The following STX17 variants were observed in gnomAD, a reference collection of about 807,000 sequenced individuals.
STX17 encodes the protein syntaxin-17.
STX17 carries 29 observed loss-of-function variants against 35.9 expected under a neutral mutation model. The ratio of observed to expected loss-of-function variants is 0.81; its 90% CI spans 0.60 to 1.10. The LOEUF is 1.10. Ranked by LOEUF, STX17 falls within the 50% of genes least tolerant of loss-of-function variation. The probability of loss-of-function intolerance (pLI) is 0.00; values close to 1 mark genes in which losing one functional copy is unlikely to be tolerated. For synonymous variants in STX17, 92 were observed against 118.3 expected, an observed-to-expected ratio of 0.78 and a Z score of 1.44; for missense variants, 312 against 352.3, an observed-to-expected ratio of 0.89 and a Z score of 0.92.
At chr9:99,926,758 A>G (rs185607194) in intron 2 of STX17, among the ~76,000 whole-genome samples, 21 of 152,250 alleles carry the variant, frequency 1.4e-4, no homozygotes, top group Middle Eastern at 6.8e-3. Context: ...TCAGCCTCCC[A>G]AAGTGCTGGG....
intron 2 of STX17, among the ~76,000 whole-genome samples, chr9:99,924,372 A>C (rs1292744048): frequency 6.6e-6 from 1 of 152,086 alleles, no homozygotes; most frequent in Non-Finnish European, 1.5e-5. Flanking sequence ...TGATCAAGGA[A>C]CTGTGGACAA....
rs180874916 is a variant in STX17 at position 99,967,755 on chromosome 9, T to A, written c.669+16T>A. ...CTTAGGGAAGGTAAGATTCTGCTCC[T>A]GCTGACAAATCAATGGTACTCTGGC... On this transcript the variant is annotated intron_variant, in intron 7 of 7. Coordinates refer to ENST00000259400, the MANE Select transcript of STX17 (RefSeq NM_017919.3). 2.2e-5 allele frequency: 36 copies of A among 1,610,456 alleles called. No individual in the cohort carries two copies. The East Asian group carries it at 6.2e-4, about 28-fold the overall frequency.
At chr9:99,951,728 G>A (rs1297806646) in intron 4 of STX17, among the ~76,000 whole-genome samples, 1 of 151,770 alleles carries the variant, frequency 6.6e-6, no homozygotes, top group Non-Finnish European at 1.5e-5. Context: ...ATCTACAATG[G>A]GAGTTAAGCC....
intron 3 of STX17, among the ~76,000 whole-genome samples, chr9:99,931,691 G>T (rs1282803108): frequency 1.3e-5 from 2 of 152,008 alleles, no homozygotes; most frequent in East Asian, 1.9e-4. Context: ...AAAAAATTTG[G>T]CAGTCCCTGT....
rs565782306 is a variant in STX17, at chr9:99,951,582, A to G, written c.415+297A>G. On this transcript the variant is annotated intron_variant, in intron 4 of 7. Coordinates refer to ENST00000259400, the MANE Select transcript of STX17 (RefSeq NM_017919.3). ...AGGATAATGTCATTCTTGTCTGCAA[A>G]GTACTCTTTACTCCTTTCCAGGTGC... Among the ~76,000 whole-genome samples the G allele has an allele frequency of 3.9e-5, 6 of 152,164 alleles. No individual in the cohort carries two copies. In the East Asian group the frequency reaches 1.2e-3, roughly 29 times the overall value.
intron 3 of STX17, among the ~76,000 whole-genome samples, chr9:99,947,636 G>A (rs1269387704): frequency 6.6e-6 from 1 of 152,142 alleles, no homozygotes; most frequent in Non-Finnish European, 1.5e-5. Context: ...TAGAGCTTAA[G>A]GTTTTCTGTG....
chr9:99,959,301 G>T (rs1243910962), intron 4 of STX17, among the ~76,000 whole-genome samples: 1 of 151,920 alleles, frequency 6.6e-6, no homozygotes, highest in Non-Finnish European at 1.5e-5. Flanking sequence ...CTAGCATTTT[G>T]GGAAGCTGAG....
chr9:99,926,537 G>T (rs1828989554), intron 2 of STX17, among the ~76,000 whole-genome samples: 1 of 149,050 alleles, frequency 6.7e-6, no homozygotes, highest in East Asian at 2.0e-4. Context: ...TTGCTCTGTT[G>T]CCCAGGCTGG....
intron 2 of STX17, among the ~76,000 whole-genome samples, chr9:99,920,102 A>G (rs1188670642): frequency 6.6e-6 from 1 of 152,144 alleles, no homozygotes; most frequent in Non-Finnish European, 1.5e-5. Context: ...GTGTTTCAAG[A>G]TAGGCAAGCC....
At chr9:99,913,321 T>C (rs918060283) in intron 1 of STX17, among the ~76,000 whole-genome samples, 3 of 152,098 alleles carry the variant, frequency 2.0e-5, no homozygotes, top group African/African-American at 7.2e-5. Flanking sequence ...GTTATTAAGC[T>C]TCTGATTTTA....
chr9:99,920,548 C>A (rs1465540628), intron 2 of STX17, among the ~76,000 whole-genome samples: 1 of 152,124 alleles, frequency 6.6e-6, no homozygotes, highest in African/African-American at 2.4e-5. Flanking sequence ...TTATTAAAGC[C>A]ATTTTTAACT....
chr9:99,942,417 T>G (rs1487819572), intron 3 of STX17, among the ~76,000 whole-genome samples: 2 of 152,228 alleles, frequency 1.3e-5, no homozygotes, highest in Non-Finnish European at 2.9e-5. Context: ...GTGGTGTTTC[T>G]TGATGACTAG....
chr9:99,914,156 G>A (rs1828718124), intron 1 of STX17: 1 of 152,062 alleles, frequency 6.6e-6, no homozygotes, highest in Non-Finnish European at 1.5e-5. Flanking sequence ...AAGTCTGTAT[G>A]TGAATTCCTA....
chr9:99,952,490 G>A (rs1451155098), intron 4 of STX17, among the ~76,000 whole-genome samples: 3 of 152,164 alleles, frequency 2.0e-5, no homozygotes, highest in African/African-American at 7.2e-5. Context: ...CAAGGATCTA[G>A]AACTAGAAAT....
At chr9:99,934,498 A>G (rs1829187165) in intron 3 of STX17, among the ~76,000 whole-genome samples, 1 of 152,168 alleles carries the variant, frequency 6.6e-6, no homozygotes, top group Non-Finnish European at 1.5e-5. Flanking sequence ...ATAAGTGAGA[A>G]GTCATTATAT....
chr9:99,950,520 G>A (rs1829571288), intron 3 of STX17, among the ~76,000 whole-genome samples: 1 of 151,880 alleles, frequency 6.6e-6, no homozygotes, highest in Non-Finnish European at 1.5e-5. Context: ...CATGAATGTT[G>A]ATCACCGAAG....
intron 3 of STX17, among the ~76,000 whole-genome samples, chr9:99,943,250 C>T (rs1484748750): frequency 3.9e-5 from 6 of 152,134 alleles, no homozygotes; most frequent in Non-Finnish European, 1.5e-5. Flanking sequence ...TCTCCTGCCT[C>T]AGCCTCCCGA....
At chr9:99,912,823 A>T (rs1188197969) in intron 1 of STX17, among the ~76,000 whole-genome samples, 2 of 152,138 alleles carry the variant, frequency 1.3e-5, no homozygotes, top group African/African-American at 4.8e-5. Flanking sequence ...CCACCCATTT[A>T]TTCTATCCGT....
chr9:99,957,318 A>G (rs1587938009), intron 4 of STX17, among the ~76,000 whole-genome samples: 1 of 152,210 alleles, frequency 6.6e-6, no homozygotes, highest in South Asian at 2.1e-4. Context: ...ACTTATGTAT[A>G]TATTTCTGAT....
Sources: gnomAD v4.1 joint callset for allele counts (sites outside exome capture counted in the v4.1 genomes callset) on GRCh38, gnomAD v4.1.1 for gene constraint, MANE v1.5 for transcripts, NCBI Gene and HGNC (gene_info 2026-07-23, HGNC 2026-07-21) for gene names.